Variants in SYN3 observed in about 807,000 individuals in gnomAD.
The protein encoded by SYN3 is synapsin-3.
Under a neutral mutation model 65.8 loss-of-function variants are expected in SYN3, and 35 were observed. The ratio of observed to expected loss-of-function variants is 0.53; its 90% CI spans 0.41 to 0.70. The LOEUF (loss-of-function observed/expected upper bound fraction) is 0.70, where lower values mean the gene tolerates loss of function less well. Ranked by LOEUF, SYN3 falls within the 30% of genes least tolerant of loss-of-function variation. SYN3 has a pLI of 0.00. For missense variants in SYN3, 680 were observed against 749.0 expected (o/e 0.91, Z 1.08); for synonymous variants, 270 against 292.9 (o/e 0.92, Z 0.80).
rs560903270 is a variant in SYN3, at chr22:33,050,499, AC to A, written c.-163+7792del. Among the ~76,000 whole-genome samples the A allele has an allele frequency of 1.6e-3, 219 of 139,668 alleles. 4 individuals carry two copies. The highest frequency in any genetic ancestry group is 4.5e-3 in the African/African-American group (170 of 37,542). 91.6% of individuals were successfully genotyped at this position (139,668 alleles called of 152,430 possible). ...TGTTTCAAAAAAAAAAAAAAAAAAA[AC>A]AAAACAAAGCAAAACAAATTGAGGA... On this transcript the variant is annotated intron_variant, in intron 1 of 13. Coordinates refer to ENST00000358763, the MANE Select transcript of SYN3 (RefSeq NM_003490.4).
At chr22:32,691,725 G>T (rs2060663683) in intron 6 of SYN3, among the ~76,000 whole-genome samples, 8 of 151,930 alleles carry the variant, frequency 5.3e-5, no homozygotes, top group Admixed American at 3.9e-4. Flanking sequence ...TCTGGGGGTG[G>T]TGGCGGGGAG....
chr22:32,596,485 T>A (rs1474181228), intron 7 of SYN3, among the ~76,000 whole-genome samples, 189 bp downstream of exon 7: 1 of 152,144 alleles, frequency 6.6e-6, no homozygotes, highest in Non-Finnish European at 1.5e-5. Flanking sequence ...ACTGGAGAGA[T>A]GTTCTGTGCA....
At chr22:32,858,834 C>T (rs1327989536) in intron 6 of SYN3, among the ~76,000 whole-genome samples, 1 of 152,088 alleles carries the variant, frequency 6.6e-6, no homozygotes, top group African/African-American at 2.4e-5. Flanking sequence ...TTTCTAATTC[C>T]TCGATTCCCT....
intron 3 of SYN3, among the ~76,000 whole-genome samples, chr22:32,953,313 G>A (rs1236136388): frequency 1.3e-5 from 2 of 152,188 alleles, no homozygotes; most frequent in African/African-American, 4.8e-5. Flanking sequence ...TGACACAGCA[G>A]TGAAAGTAAC....
chr22:32,604,755 C>A (rs528313571), intron 6 of SYN3, among the ~76,000 whole-genome samples: 9 of 152,262 alleles, frequency 5.9e-5, no homozygotes, highest in African/African-American at 2.2e-4. Flanking sequence ...CCTGTAATCC[C>A]AGCACTTTGG....
At chr22:32,610,247 C>T (rs1601752013) in intron 6 of SYN3, among the ~76,000 whole-genome samples, 1 of 152,120 alleles carries the variant, frequency 6.6e-6, no homozygotes, top group East Asian at 1.9e-4. Flanking sequence ...CACCGCTGCA[C>T]TCCAGCCTGG....
chr22:33,015,246 C>G, intron 1 of SYN3: 1 of 288,958 alleles, frequency 3.5e-6, no homozygotes. Context: ...AAAAAAACTA[C>G]TGTATCTTGG....
chr22:32,856,346 C>G (rs1280882469), intron 6 of SYN3, among the ~76,000 whole-genome samples: 2 of 152,022 alleles, frequency 1.3e-5, no homozygotes, highest in Non-Finnish European at 2.9e-5. Flanking sequence ...AGGAAGGTTT[C>G]TCTGGGAAGG....
At chr22:32,741,957 A>AT (rs1461114180) in intron 6 of SYN3, among the ~76,000 whole-genome samples, 2 of 151,996 alleles carry the variant, frequency 1.3e-5, no homozygotes, top group African/African-American at 4.8e-5. Context: ...AACACTTTCC[A>AT]TTTTTCCAGA....
chr22:32,706,473 G>A (rs1319940433), intron 6 of SYN3, among the ~76,000 whole-genome samples: 3 of 152,164 alleles, frequency 2.0e-5, no homozygotes, highest in Non-Finnish European at 4.4e-5. Flanking sequence ...AAATATATTT[G>A]AACAATTAAG....
In SYN3 at chr22:32,533,704, A is replaced by T. The variant is rs1054633938; in HGVS notation, c.1095+89T>A. The T allele has an allele frequency of 4.5e-6, 4 of 881,388 alleles. No homozygotes were observed. In the African/African-American group the frequency reaches 4.9e-5, roughly 11 times the overall value. 54.6% of individuals were successfully genotyped at this position (881,388 alleles called of 1,614,324 possible). Reference sequence around the variant, plus strand: ...GTGCCCTGGAGCCAGGACACAGCTGATGGTGCCAAAGACCATGCAGGGATT... The same window carrying T: ...GTGCCCTGGAGCCAGGACACAGCTGTTGGTGCCAAAGACCATGCAGGGATT... On this transcript the variant is annotated intron_variant, in intron 10 of 13. Transcript: ENST00000358763.
At chr22:32,580,379 G>C (rs1012556263) in intron 7 of SYN3, among the ~76,000 whole-genome samples, 4 of 152,336 alleles carry the variant, frequency 2.6e-5, no homozygotes, top group African/African-American at 9.6e-5. Context: ...GACATATTGA[G>C]AGGGAGAGAC....
intron 1 of SYN3, among the ~76,000 whole-genome samples, chr22:33,048,406 C>A (rs886672213): frequency 2.0e-5 from 3 of 152,052 alleles, no homozygotes; most frequent in Non-Finnish European, 2.9e-5. Flanking sequence ...GCTAAAAATA[C>A]CCTCAAAAAT....
At chr22:32,922,386 C>T (rs906271407) in intron 4 of SYN3, among the ~76,000 whole-genome samples, 3 of 152,058 alleles carry the variant, frequency 2.0e-5, no homozygotes, top group East Asian at 1.9e-4. Flanking sequence ...ATAGGGTTGT[C>T]GAAAGGATGA....
intron 6 of SYN3, among the ~76,000 whole-genome samples, chr22:32,761,571 A>G (rs2145721511): frequency 6.6e-6 from 1 of 152,210 alleles, no homozygotes; most frequent in South Asian, 2.1e-4. Context: ...AGTTTTGAGC[A>G]CCTCTTGAAG....
chr22:33,033,063 A>G (rs2053782773), intron 1 of SYN3, among the ~76,000 whole-genome samples: 1 of 151,546 alleles, frequency 6.6e-6, no homozygotes, highest in Non-Finnish European at 1.5e-5. Context: ...CTGAGGCCGG[A>G]GAGCAATGGT....
chr22:32,703,055 T>C (rs1383016096), intron 6 of SYN3, among the ~76,000 whole-genome samples: 2 of 152,242 alleles, frequency 1.3e-5, no homozygotes, highest in Non-Finnish European at 2.9e-5. Context: ...TGCTGCCAGA[T>C]ATTTTTTAAA....
chr22:32,838,943 C>T (rs868689995), intron 6 of SYN3, among the ~76,000 whole-genome samples: 1 of 151,376 alleles, frequency 6.6e-6, no homozygotes, highest in African/African-American at 2.4e-5. Context: ...TTAAAGAACA[C>T]GTGCTGGAAG....
chr22:32,691,575 A>G (rs1360042440), intron 6 of SYN3, among the ~76,000 whole-genome samples: 2 of 152,158 alleles, frequency 1.3e-5, no homozygotes, highest in Admixed American at 1.3e-4. Flanking sequence ...AGGGCATTTC[A>G]GTGAATCAGA....
Sources: allele counts gnomAD v4.1 joint callset (sites outside exome capture counted in the v4.1 genomes callset), GRCh38; gene constraint gnomAD v4.1.1; transcripts MANE v1.5; gene names NCBI Gene and HGNC (gene_info 2026-07-23, HGNC 2026-07-21).